Variants in PIP5K1B observed in about 807,000 individuals in gnomAD.
PIP5K1B encodes phosphatidylinositol 4-phosphate 5-kinase type-1 beta.
A neutral mutation model predicts 67.0 loss-of-function variants in PIP5K1B; 42 were observed. The observed-to-expected ratio is 0.63, with a 90% CI of 0.49 to 0.81. The LOEUF (loss-of-function observed/expected upper bound fraction) is 0.81. Ranked by LOEUF, PIP5K1B falls within the 30% of genes least tolerant of loss-of-function variation. PIP5K1B has a pLI of 0.00. For missense variants in PIP5K1B, 459 were observed against 646.3 expected (o/e 0.71, Z 3.14); for synonymous variants, 214 against 231.4 (o/e 0.92, Z 0.68).
chr9:68,764,094 T>TC, intron 2 of PIP5K1B, among the ~76,000 whole-genome samples: 1 of 149,334 alleles, frequency 6.7e-6, no homozygotes, highest in Admixed American at 6.7e-5. Context: ...TTTTTTTTTT[T>TC]TTTTTTGGAA....
chr9:68,925,510 G>C (rs997278599), intron 12 of PIP5K1B, among the ~76,000 whole-genome samples: 1 of 152,124 alleles, frequency 6.6e-6, no homozygotes, highest in African/African-American at 2.4e-5. Flanking sequence ...TAGTTCCTTT[G>C]AGAATTGAGC....
chr9:68,919,823 G>A, intron 11 of PIP5K1B, 94 bp downstream of exon 11: 2 of 693,610 alleles, frequency 2.9e-6, no homozygotes, highest in Non-Finnish European at 5.0e-6. Context: ...TAGACTCTAA[G>A]AGGAAATGAA....
In PIP5K1B at chr9:68,920,359, C is replaced by CTTTTTTTTT. The variant is rs5898051; in HGVS notation, c.1116+648_1116+656dup. Among the ~76,000 whole-genome samples, 114 of 98,372 alleles carry CTTTTTTTTT rather than the reference C, an allele frequency of 1.2e-3. 41 individuals are homozygous for CTTTTTTTTT. The highest frequency in any genetic ancestry group is 2.5e-3 in the African/African-American group (68 of 27,490). 64.5% of individuals were successfully genotyped at this position (98,372 alleles called of 152,430 possible). The stretch of plus-strand genomic sequence containing the variant: ...ATACATGCTGGCTGCCTGAGGTTGT[C>CTTTTTTTTT]TTTTTTTTTTTTTTTTTTTTTTTTT... On this transcript the variant is annotated intron_variant, in intron 11 of 15. Transcript: ENST00000265382.
chr9:68,833,180 T>C (rs560784978), intron 4 of PIP5K1B, among the ~76,000 whole-genome samples: 1 of 152,346 alleles, frequency 6.6e-6, no homozygotes, highest in African/African-American at 2.4e-5. Context: ...TTACTAACTT[T>C]TAAAGTACTA....
intron 5 of PIP5K1B, among the ~76,000 whole-genome samples, chr9:68,873,790 C>T (rs1304864545): frequency 2.0e-5 from 3 of 152,050 alleles, no homozygotes; most frequent in Admixed American, 1.3e-4. Context: ...TACTGGGCCT[C>T]GTGAAACTCA....
chr9:68,894,437 C>A lies in PIP5K1B; in HGVS notation c.570C>A (p.Asn190Lys), dbSNP rs946217002. The change falls in exon 8 of 16, where the codon AAC (asparagine) becomes AAA (lysine). Residue 190 changes from asparagine to lysine, a missense_variant. This residue lies in a region of PIP5K1B where 290 missense variants were observed against 474.4 expected (regional missense o/e 0.61). Transcript: ENST00000265382. ...GINIRIVVMN[N>K]VLPRSMRMHF... is the part of the protein sequence containing the mutation. ...ATATCAGGATTGTGGTGATGAACAACGTTTTGCCACGCTCCATGAGAATGC... is the reference window on the plus strand; with the variant it reads ...ATATCAGGATTGTGGTGATGAACAAAGTTTTGCCACGCTCCATGAGAATGC... 1 of 1,613,772 alleles carries A rather than the reference C, an allele frequency of 6.2e-7. No homozygotes were observed. The highest frequency in any genetic ancestry group is 8.5e-7 in the Non-Finnish European group (1 of 1,179,882).
chr9:68,881,102 G>A (rs937378054), intron 6 of PIP5K1B, among the ~76,000 whole-genome samples: 1 of 152,212 alleles, frequency 6.6e-6, no homozygotes, highest in Admixed American at 6.5e-5. Flanking sequence ...ACACACATTG[G>A]TGGGGGCAGA....
intron 14 of PIP5K1B, among the ~76,000 whole-genome samples, chr9:68,946,184 G>A (rs1827795123): frequency 6.6e-6 from 1 of 152,102 alleles, no homozygotes; most frequent in South Asian, 2.1e-4. Context: ...AAGGAGAACA[G>A]CTAGTTGCAA....
intron 2 of PIP5K1B, among the ~76,000 whole-genome samples, chr9:68,747,212 G>A (rs1381157766): frequency 2.0e-5 from 3 of 149,580 alleles, no homozygotes; most frequent in African/African-American, 7.4e-5. Flanking sequence ...CAACTTGGGT[G>A]TACTTGCTTC....
In PIP5K1B at chr9:68,754,175, C is replaced by CTTTTTTTTTTTTTTTTTTTTT. The variant is rs71353081; in HGVS notation, c.-86+11530_-86+11531insTTTTTTTTTTTTTTTTTTTTT. 9.6e-4 allele frequency among the ~76,000 whole-genome samples: 97 copies of CTTTTTTTTTTTTTTTTTTTTT among 101,046 alleles called. 15 individuals are homozygous for CTTTTTTTTTTTTTTTTTTTTT. The highest frequency in any genetic ancestry group is 1.4e-3 in the Non-Finnish European group (72 of 53,096). 66.3% of individuals were successfully genotyped at this position (101,046 alleles called of 152,430 possible). A position where few individuals can be genotyped will look rare whatever the true frequency, so the allele number is the denominator to read the frequency against. On this transcript the variant is annotated intron_variant, in intron 2 of 15. Coordinates refer to ENST00000265382, the MANE Select transcript of PIP5K1B (RefSeq NM_003558.4). ...AGTCTTCTTTTATGTTCCATGATTT[C>CTTTTTTTTTTTTTTTTTTTTT]TTTTTTTTTTTTGAGACAGAGTCTC...
intron 2 of PIP5K1B, among the ~76,000 whole-genome samples, chr9:68,751,233 T>C (rs1829616748): frequency 6.6e-6 from 1 of 152,240 alleles, no homozygotes; most frequent in South Asian, 2.1e-4. Flanking sequence ...GTCAAGAGCA[T>C]AATAAATTCT....
chr9:68,945,424 G>A (rs1312293919), intron 14 of PIP5K1B, among the ~76,000 whole-genome samples: 2 of 152,158 alleles, frequency 1.3e-5, no homozygotes, highest in African/African-American at 4.8e-5. Context: ...GGGATTACAG[G>A]TGTGAGCCAC....
At chr9:68,756,011 C>T (rs1050402596) in intron 2 of PIP5K1B, among the ~76,000 whole-genome samples, 1 of 152,224 alleles carries the variant, frequency 6.6e-6, no homozygotes, top group Non-Finnish European at 1.5e-5. Flanking sequence ...TTTGATCAGT[C>T]GTCTGGCACT....
chr9:68,975,156 C>G (rs1829574331), intron 14 of PIP5K1B, among the ~76,000 whole-genome samples: 1 of 152,204 alleles, frequency 6.6e-6, no homozygotes, highest in South Asian at 2.1e-4. Flanking sequence ...GCAGCCTCAG[C>G]CTTGTGAACT....
chr9:68,850,799 C>A (rs1437641011), intron 4 of PIP5K1B, among the ~76,000 whole-genome samples: 3 of 152,056 alleles, frequency 2.0e-5, no homozygotes, highest in African/African-American at 7.2e-5. Flanking sequence ...AAATAAATAA[C>A]AATTTTTATT....
chr9:68,936,353 T>A (rs1299000761), intron 13 of PIP5K1B, among the ~76,000 whole-genome samples: 3 of 141,022 alleles, frequency 2.1e-5, no homozygotes, highest in African/African-American at 7.5e-5. Flanking sequence ...AGTTCCTTTT[T>A]TTATTCCTAC....
chr9:68,856,409 CT>C, intron 4 of PIP5K1B, among the ~76,000 whole-genome samples: 1 of 152,180 alleles, frequency 6.6e-6, no homozygotes, highest in Non-Finnish European at 1.5e-5. Context: ...CACAGCCAGT[CT>C]TTGTTGACAC....
intron 14 of PIP5K1B, among the ~76,000 whole-genome samples, chr9:68,978,163 A>G (rs940485995): frequency 6.6e-6 from 1 of 152,008 alleles, no homozygotes; most frequent in African/African-American, 2.4e-5. Flanking sequence ...CTTAAGATCA[A>G]CTCTTCTAGC....
intron 4 of PIP5K1B, among the ~76,000 whole-genome samples, chr9:68,828,661 G>A (rs1834118049): frequency 6.6e-6 from 1 of 152,182 alleles, no homozygotes; most frequent in African/African-American, 2.4e-5. Context: ...GATCTAAAAG[G>A]AAGTATTTCT....
Sources: gnomAD v4.1 joint callset for allele counts (sites outside exome capture counted in the v4.1 genomes callset) on GRCh38, gnomAD v4.1.1 for gene constraint, gnomAD v4.1.1 regional missense constraint, MANE v1.5 for transcripts, NCBI Gene and HGNC (gene_info 2026-07-23, HGNC 2026-07-21) for gene names.